SZT2: variants seen among roughly 807,000 people sequenced by gnomAD.
SZT2 encodes KICSTOR complex protein SZT2.
A neutral mutation model predicts 404.2 loss-of-function variants in SZT2; 216 were observed. The observed-to-expected ratio is 0.53, with a 90% CI of 0.48 to 0.60. The LOEUF (loss-of-function observed/expected upper bound fraction) is 0.60, where lower values mean the gene tolerates loss of function less well. Ranked by LOEUF, SZT2 falls within the 20% of genes least tolerant of loss-of-function variation. SZT2 has a pLI of 0.00. For missense variants in SZT2, 3,857 were observed against 4,459.2 expected (o/e 0.86, Z 3.85); for synonymous variants, 1,693 against 1,749.9 (o/e 0.97, Z 0.81).
chr1:43,429,771 G>A lies in SZT2; in HGVS notation c.4235G>A (p.Gly1412Glu), dbSNP rs1653634901. Residue 1412 changes from glycine to glutamate, a missense_variant, in exon 29 of 72, where the codon GGG (glycine) becomes GAG (glutamate). Physicochemically the swap from Gly to Glu is moderately conservative, Grantham distance 98 (BLOSUM62 -2). Coordinates refer to ENST00000634258, the MANE Select transcript of SZT2 (RefSeq NM_001365999.1). ...CGTGTCCCTGGCATTCCAGACCCTGGGCCAGAGATCTCTCTGACAGATGTC... is the reference window on the plus strand; with the variant it reads ...CGTGTCCCTGGCATTCCAGACCCTGAGCCAGAGATCTCTCTGACAGATGTC... ...STRVPGIPDP[G>E]PEISLTDVCQ... 10 of 1,614,162 alleles carry A rather than the reference G, an allele frequency of 6.2e-6. No homozygotes were observed. Among genetic ancestry groups the A allele is most frequent in the Non-Finnish European group, 7.6e-6 (9 of 1,180,034 alleles).
intron 12 of SZT2, 30 bp from the exon 13 acceptor site, chr1:43,422,450 T>G: frequency 6.5e-7 from 1 of 1,542,462 alleles, no homozygotes; most frequent in Non-Finnish European, 8.7e-7. Context: ...GGCCTGGAGG[T>G]CTAACCTCAG....
At position 43,404,455 on chromosome 1, in the gene SZT2, C is replaced by T. The variant is rs984347505; in HGVS notation, c.403C>T (p.Pro135Ser). ...LSRCLGGLLR[P>S]FRVPGSCIDF... ...CCGCTGCTTAGGCGGGCTGCTTCGG[C>T]CCTTCCGAGTGCCTGGATCTTGCAT... Residue 135 changes from proline (P) to serine (S), a missense_variant, in exon 4 of 72, where the codon CCC becomes TCC. Pro to Ser is a moderately conservative substitution (Grantham distance 74). This residue lies in a region of SZT2 where 536 missense variants were observed against 637.4 expected (regional missense o/e 0.84). Coordinates refer to ENST00000634258, the MANE Select transcript of SZT2 (RefSeq NM_001365999.1). 2 of 1,614,008 alleles carry T rather than the reference C, an allele frequency of 1.2e-6. No individual in the cohort carries two copies. Among genetic ancestry groups the T allele is most frequent in the Non-Finnish European group, 1.7e-6 (2 of 1,180,014 alleles).
intron 62 of SZT2, 116 bp from the exon 63 acceptor site, chr1:43,445,778 T>C: frequency 1.0e-6 from 1 of 1,004,316 alleles, no homozygotes; most frequent in Non-Finnish European, 1.5e-6. Flanking sequence ...GGCAGCTTTG[T>C]GGGTCTGTTT....
chr1:43,444,668 G>A (rs1051875279), intron 62 of SZT2, among the ~76,000 whole-genome samples: 8 of 152,094 alleles, frequency 5.3e-5, no homozygotes, highest in Admixed American at 5.2e-4. Flanking sequence ...CCTGAGCTCA[G>A]GGACAACTCT....
intron 36 of SZT2, 51 bp from the exon 37 acceptor site, chr1:43,432,221 T>A: frequency 6.6e-7 from 1 of 1,507,304 alleles, no homozygotes; most frequent in East Asian, 2.3e-5. Flanking sequence ...GCTCACCATG[T>A]GTAGGGAGGA....
chr1:43,445,057 A>T (rs1010844354), intron 62 of SZT2, among the ~76,000 whole-genome samples: 2 of 152,128 alleles, frequency 1.3e-5, no homozygotes, highest in Non-Finnish European at 2.9e-5. Flanking sequence ...TACCCTGGGG[A>T]GGAGCTGCCC....
chr1:43,428,050 C>T lies in SZT2; in HGVS notation c.3851C>T (p.Pro1284Leu), dbSNP rs1228879995. The T allele has an allele frequency of 6.2e-6, 10 of 1,614,046 alleles. No individual in the cohort carries two copies. The highest frequency in any genetic ancestry group is 7.6e-6 in the Non-Finnish European group (9 of 1,180,038). The change falls in exon 27 of 72, where the codon CCC becomes CTC. Residue 1284 changes from proline (P) to leucine (L), a missense_variant. This residue lies in a region of SZT2 where 1,725 missense variants were observed against 1,881.0 expected (regional missense o/e 0.92). Coordinates refer to ENST00000634258, the MANE Select transcript of SZT2 (RefSeq NM_001365999.1). Reference protein sequence around the residue: ...HPSPSSAWMEPRYKEAANHCA... With the variant: ...HPSPSSAWMELRYKEAANHCA... ...TCCCCATCCTCAGCCTGGATGGAACCCCGGTACAAGGAGGCAGCTAACCAC... is the reference window on the plus strand; with the variant it reads ...TCCCCATCCTCAGCCTGGATGGAACTCCGGTACAAGGAGGCAGCTAACCAC...
rs572244392 is a variant in SZT2, at chr1:43,428,071, A to G, written c.3872A>G (p.Asn1291Ser). ...GAACCCCGGTACAAGGAGGCAGCTA[A>G]CCACTGTGCCCTGCTGCAGGAGCAT... ...WMEPRYKEAA[N>S]HCALLQEHAQ... Residue 1291 changes from asparagine to serine, a missense_variant, in exon 27 of 72, where the codon AAC (asparagine) becomes AGC (serine). Physicochemically the swap from Asn to Ser is conservative, Grantham distance 46. Around this residue, in one of 7 missense-constraint regions of SZT2, gnomAD observed 1,725 missense variants for 1,881.0 expected, o/e 0.92. Coordinates refer to ENST00000634258, the MANE Select transcript of SZT2 (RefSeq NM_001365999.1). 6.2e-7 allele frequency: 1 copy of G among 1,614,068 alleles called. No homozygotes were observed. The highest frequency in any genetic ancestry group is 8.5e-7 in the Non-Finnish European group (1 of 1,179,984).
chr1:43,430,622 C>T lies in SZT2; in HGVS notation c.4607C>T (p.Thr1536Ile), dbSNP rs890512275. Residue 1536 changes from threonine to isoleucine, a missense_variant, in exon 32 of 72, where the codon ACT becomes ATT. This residue lies in a region of SZT2 where 1,725 missense variants were observed against 1,881.0 expected (regional missense o/e 0.92). Coordinates refer to ENST00000634258, the MANE Select transcript of SZT2 (RefSeq NM_001365999.1). ...TCTGCCTCGCTGTCAGACGTAGACA[C>T]TGTGAATCCTGATGAAGACTCCTTC... ...LDSASLSDVD[T>I]VNPDEDSFSI... The T allele has an allele frequency of 6.2e-7, 1 of 1,614,094 alleles. No homozygotes were observed. Among genetic ancestry groups the T allele is most frequent in the Non-Finnish European group, 8.5e-7 (1 of 1,180,050 alleles).
At position 43,451,227 on chromosome 1, in the gene SZT2, T is replaced by G. The variant is rs1055598835; in HGVS notation, c.*747T>G. On this transcript the variant is annotated 3_prime_UTR_variant, in exon 72 of 72. Coordinates refer to ENST00000634258, the MANE Select transcript of SZT2 (RefSeq NM_001365999.1). Reference sequence around the variant, plus strand: ...TCGCTGTCTGGAGGCACGTGGGTGGTGTGCGGGCCCTCACTGGCCAGCCTC... The same window carrying G: ...TCGCTGTCTGGAGGCACGTGGGTGGGGTGCGGGCCCTCACTGGCCAGCCTC... The G allele has an allele frequency of 1.3e-5, 21 of 1,613,648 alleles. No individual in the cohort carries two copies. Among genetic ancestry groups the G allele is most frequent in the Non-Finnish European group, 1.7e-5 (20 of 1,179,692 alleles).
chr1:43,452,808 T>C lies in SZT2; in HGVS notation c.*2328T>C. ...ATTTGACATTTGAATCAGCCCCACT[T>C]TGAGCCGTCCACCTCCTCCCATCAT... On this transcript the variant is annotated 3_prime_UTR_variant, in exon 72 of 72. Coordinates refer to ENST00000634258, the MANE Select transcript of SZT2 (RefSeq NM_001365999.1). 7.4e-7 allele frequency: 1 copy of C among 1,342,852 alleles called. No individual in the cohort carries two copies. Among genetic ancestry groups the C allele is most frequent in the East Asian group, 2.5e-5 (1 of 39,850 alleles). 83.2% of individuals were successfully genotyped at this position (1,342,852 alleles called of 1,614,324 possible).
rs1040134632 is a variant in SZT2 at position 43,420,461 on chromosome 1, C to T, written c.1261+138C>T. The stretch of plus-strand genomic sequence containing the variant: ...GAGACAGTGGGTTTTGAATTGTCAT[C>T]AGGGCTTAATTCTCTTAGCATGGAG... On this transcript the variant is annotated intron_variant, in intron 9 of 71. Coordinates refer to ENST00000634258, the MANE Select transcript of SZT2 (RefSeq NM_001365999.1). The surrounding 1 kb of genome is among the most constrained non-coding windows in gnomAD (Gnocchi z 5.1). The T allele has an allele frequency of 3.2e-5, 38 of 1,198,342 alleles. No homozygotes were observed. Among genetic ancestry groups the T allele is most frequent in the Non-Finnish European group, 4.0e-5 (35 of 882,544 alleles). The allele number at this position is 1,198,342 out of a possible 1,614,324, so 74.2% of individuals were successfully genotyped here. A position where few individuals can be genotyped will look rare whatever the true frequency, so the allele number is the denominator to read the frequency against.
intron 28 of SZT2, 121 bp downstream of exon 28, chr1:43,428,607 G>A (rs187128051): frequency 7.2e-7 from 1 of 1,397,132 alleles, no homozygotes; most frequent in Non-Finnish European, 9.6e-7. Flanking sequence ...AGAAGCAGTA[G>A]TGCTTTGTCG....
intron 4 of SZT2, among the ~76,000 whole-genome samples, chr1:43,409,042 A>G (rs1650694157): frequency 6.6e-6 from 1 of 152,212 alleles, no homozygotes; most frequent in African/African-American, 2.4e-5. Flanking sequence ...ATACTTATTT[A>G]TGTTTGAAGT....
In SZT2 at chr1:43,451,973, A is replaced by G. The variant is rs1656484882; in HGVS notation, c.*1493A>G. 6.2e-7 allele frequency: 1 copy of G among 1,611,604 alleles called. No individual in the cohort carries two copies. The highest frequency in any genetic ancestry group is 8.5e-7 in the Non-Finnish European group (1 of 1,178,328). The stretch of plus-strand genomic sequence containing the variant: ...GTCCAGGAAGTACTGGGGGTCAGTG[A>G]TGCGGGTGTTGATGGGCTCCAGCAG... On this transcript the variant is annotated 3_prime_UTR_variant, in exon 72 of 72. Coordinates refer to ENST00000634258, the MANE Select transcript of SZT2 (RefSeq NM_001365999.1).
rs1253383496 is a variant in SZT2 at position 43,416,532 on chromosome 1, C to G, written c.773-3C>G. Reference sequence around the variant, plus strand: ...AGGTCTGATCTGGTGTTTCCTGCTCCAGGGATTATCGTGATCACGGATGGG... The same window carrying G: ...AGGTCTGATCTGGTGTTTCCTGCTCGAGGGATTATCGTGATCACGGATGGG... On this transcript the variant is annotated splice_polypyrimidine_tract_variant and splice_region_variant and intron_variant, in intron 6 of 71. Coordinates refer to ENST00000634258, the MANE Select transcript of SZT2 (RefSeq NM_001365999.1). 1.3e-6 allele frequency: 2 copies of G among 1,597,820 alleles called. No homozygotes were observed. The highest frequency in any genetic ancestry group is 1.7e-4 in the Middle Eastern group (1 of 6,046).
Position 43,426,361 on chromosome 1 carries a change from C to G in SZT2, c.3044-7C>G. On this transcript the variant is annotated splice_region_variant and splice_polypyrimidine_tract_variant and intron_variant, in intron 21 of 71. Coordinates refer to ENST00000634258, the MANE Select transcript of SZT2 (RefSeq NM_001365999.1). This position sits in a 1 kb window ranked among gnomAD's most constrained non-coding sequence, Gnocchi z 4.9. The stretch of plus-strand genomic sequence containing the variant: ...TCTTGGTGCTGAGCAGAGTGTGTGT[C>G]GGGCAGAGCCAGAGGGTGTCCCTTT... 1 of 1,537,026 alleles carries G rather than the reference C, an allele frequency of 6.5e-7. No homozygotes were observed.
chr1:43,425,049 G>A lies in SZT2; in HGVS notation c.2551-64G>A. On this transcript the variant is annotated intron_variant, in intron 17 of 71. Transcript: ENST00000634258. This position sits in a 1 kb window ranked among gnomAD's most constrained non-coding sequence, Gnocchi z 4.3. ...GGGAACTGAAATTCTGAGGGCCAGA[G>A]CTAGGCCAGGCCAGATCTCTGCCTT... 1 of 1,598,472 alleles carries A rather than the reference G, an allele frequency of 6.3e-7. No individual in the cohort carries two copies. The highest frequency in any genetic ancestry group is 8.6e-7 in the Non-Finnish European group (1 of 1,165,988).
Position 43,426,853 on chromosome 1 carries a change from C to A in SZT2, c.3309+44C>A. 6.3e-7 allele frequency: 1 copy of A among 1,591,358 alleles called. No individual in the cohort carries two copies. ...CCCTGAGCCCTTGTCACACTGACCT[C>A]CTTCCAGCACCACATCTTCAGGCCC... On this transcript the variant is annotated intron_variant, in intron 23 of 71. Transcript: ENST00000634258. The surrounding 1 kb of genome is among the most constrained non-coding windows in gnomAD (Gnocchi z 4.9).
Sources: allele counts gnomAD v4.1 joint callset (sites outside exome capture counted in the v4.1 genomes callset), GRCh38; gene constraint gnomAD v4.1.1; regional missense constraint gnomAD v4.1.1; non-coding constraint Gnocchi (gnomAD v3.1); transcripts MANE v1.5; gene names NCBI Gene and HGNC (gene_info 2026-07-23, HGNC 2026-07-21).